OR1L8: variants seen among roughly 807,000 people sequenced by gnomAD.
OR1L8 encodes the protein olfactory receptor 1L8.
For missense variants in OR1L8, 330 were observed against 377.4 expected (o/e 0.87, Z 1.04); for synonymous variants, 148 against 147.0 (o/e 1.01, Z -0.05).
chr9:122,548,201 C>T, the OR1L8 span, among the ~76,000 whole-genome samples: 1 of 152,094 alleles, frequency 6.6e-6, no homozygotes, highest in Admixed American at 6.6e-5. Flanking sequence ...CACTTACATA[C>T]TGAATTAAAT....
chr9:122,577,865 A>T (rs896390247), intron 2 of OR1L8, among the ~76,000 whole-genome samples: 1 of 150,850 alleles, frequency 6.6e-6, no homozygotes, highest in Non-Finnish European at 1.5e-5. Context: ...CCTTCATATC[A>T]TCAGTACCAA....
intron 4 of OR1L8, among the ~76,000 whole-genome samples, chr9:122,571,366 A>C (rs1210949289): frequency 6.6e-6 from 1 of 151,992 alleles, no homozygotes; most frequent in Non-Finnish European, 1.5e-5. Context: ...CCTGGCCAAC[A>C]CGGTTAAATC....
At chr9:122,550,670 A>G in the OR1L8 span, among the ~76,000 whole-genome samples, 1 of 152,138 alleles carries the variant, frequency 6.6e-6, no homozygotes. Flanking sequence ...CTCAATAGAT[A>G]TAGAAAAAGC....
In OR1L8 at chr9:122,568,302, G is replaced by A; in HGVS notation, c.176C>T (p.Pro59Leu). Residue 59 changes from proline to leucine, a missense_variant, in exon 5 of 5, where the codon CCT becomes CTT. Physicochemically the swap from Pro to Leu is moderately conservative, Grantham distance 98. Transcript: ENST00000641027. ...AIRFNPHLQTPMYFFLSFLSL... is the reference protein window; with the variant it reads ...AIRFNPHLQTLMYFFLSFLSL... Reference sequence around the variant, plus strand: ...CAGAAAACTCAAGAAGAAATACATAGGGGTCTGAAGATGGGGGTTGAAGCG... The same window carrying A: ...CAGAAAACTCAAGAAGAAATACATAAGGGTCTGAAGATGGGGGTTGAAGCG... 6.2e-7 allele frequency: 1 copy of A among 1,614,120 alleles called. No homozygotes were observed. The highest frequency in any genetic ancestry group is 8.5e-7 in the Non-Finnish European group (1 of 1,180,002).
chr9:122,552,081 A>T, the OR1L8 span, among the ~76,000 whole-genome samples: 64 of 148,816 alleles, frequency 4.3e-4, no homozygotes, highest in African/African-American at 1.4e-3. Flanking sequence ...TCTCTCTCTC[A>T]CACACACACA....
intron 3 of OR1L8, among the ~76,000 whole-genome samples, chr9:122,575,855 C>T (rs1225151027): frequency 6.6e-6 from 1 of 152,188 alleles, no homozygotes; most frequent in Non-Finnish European, 1.5e-5. Context: ...CTTGTTCATG[C>T]TTCATGTCTG....
At chr9:122,553,881 A>AT in the OR1L8 span, 1 of 1,612,920 alleles carries the variant, frequency 6.2e-7, no homozygotes, top group African/African-American at 1.3e-5. Flanking sequence ...CTATGTCCGC[A>AT]TTTTCTGGGC....
chr9:122,567,650 A>G lies in OR1L8; in HGVS notation c.828T>C (p.Ile276=), dbSNP rs765526946. ...GCATGGATGACAAAACTGTGTAAAC[A>G]ATTGTTGCCACGTGGTCCTTGACAG... ...TYAVKDHVAT[I]VYTVLSSMLN... Residue 276 remains isoleucine, a synonymous_variant, in exon 5 of 5, where the codon ATT becomes ATC. Coordinates refer to ENST00000641027, the MANE Select transcript of OR1L8 (RefSeq NM_001004454.2). 3.1e-6 allele frequency: 5 copies of G among 1,614,096 alleles called. No homozygotes were observed. The Admixed American group carries it at 8.3e-5, about 27-fold the overall frequency.
the OR1L8 span, among the ~76,000 whole-genome samples, chr9:122,548,589 T>A: frequency 0.14 from 20,558 of 151,226 alleles, 1,710 homozygotes; most frequent in East Asian, 0.28. Context: ...TTTAAAATTT[T>A]TATATATATA....
the OR1L8 span, among the ~76,000 whole-genome samples, chr9:122,556,581 C>T: frequency 6.6e-6 from 1 of 152,100 alleles, no homozygotes; most frequent in Admixed American, 6.6e-5. Flanking sequence ...GGGCTTAAAG[C>T]CTAGATGACA....
Position 122,568,229 on chromosome 9 carries a change from C to G in OR1L8, c.249G>C (p.Leu83=). 1 of 1,614,142 alleles carries G rather than the reference C, an allele frequency of 6.2e-7. No individual in the cohort carries two copies. The highest frequency in any genetic ancestry group is 8.5e-7 in the Non-Finnish European group (1 of 1,180,010). ...TCTTCTTTTCTGACAGGAAGTTCAT[C>G]AGCATCTTGGGGACAACGCTTGTTG... ...CFTTSVVPKM[L]MNFLSEKKTI... Residue 83 remains leucine, a synonymous_variant, in exon 5 of 5, where the codon CTG becomes CTC. Transcript: ENST00000641027.
the OR1L8 span, among the ~76,000 whole-genome samples, chr9:122,549,255 CA>C: frequency 6.6e-6 from 1 of 152,106 alleles, no homozygotes; most frequent in Admixed American, 6.6e-5. Context: ...CCTCTCTTGC[CA>C]TATGATATGC....
chr9:122,554,142 G>A, the OR1L8 span: 1 of 1,610,760 alleles, frequency 6.2e-7, no homozygotes, highest in African/African-American at 1.3e-5. Flanking sequence ...TTTTGTCAGT[G>A]GAAAAACATT....
Position 122,568,261 on chromosome 9 carries a change from A to G in OR1L8, c.217T>C (p.Cys73Arg), listed in dbSNP as rs190313340. Residue 73 changes from cysteine (C) to arginine (R), a missense_variant, in exon 5 of 5, where the codon TGC becomes CGC. By Grantham distance (180) the Cys-to-Arg change is radical. Transcript: ENST00000641027. ...TTGGGGACAACGCTTGTTGTAAAGC[A>G]AATATCAGTGAGAGACAGAAAACTC... ...FLSFLSLTDI[C>R]FTTSVVPKML... is the part of the protein sequence containing the mutation. 1 of 1,614,104 alleles carries G rather than the reference A, an allele frequency of 6.2e-7. No homozygotes were observed. The highest frequency in any genetic ancestry group is 1.3e-5 in the African/African-American group (1 of 75,038).
chr9:122,570,698 CA>C (rs1829531466), intron 4 of OR1L8, among the ~76,000 whole-genome samples: 1 of 152,208 alleles, frequency 6.6e-6, no homozygotes, highest in South Asian at 2.1e-4. Context: ...AATTATCTCA[CA>C]TGCTTAAAAT....
chr9:122,552,832 A>G, the OR1L8 span, among the ~76,000 whole-genome samples: 1 of 148,666 alleles, frequency 6.7e-6, no homozygotes, highest in African/African-American at 2.5e-5. Context: ...GAGATCATGC[A>G]TCTTCTTTCC....
At chr9:122,569,455 G>A (rs1829499133) in intron 4 of OR1L8, among the ~76,000 whole-genome samples, 1 of 77,426 alleles carries the variant, frequency 1.3e-5, no homozygotes, top group Non-Finnish European at 2.5e-5. Flanking sequence ...ACTCTGCAAT[G>A]AGAATTTTTG....
chr9:122,553,523 A>G, the OR1L8 span: 1 of 1,614,100 alleles, frequency 6.2e-7, no homozygotes, highest in Non-Finnish European at 8.5e-7. Flanking sequence ...TTGCACAGCT[A>G]TATTTCCTCC....
chr9:122,579,504 A>G (rs2118749427), intron 1 of OR1L8, among the ~76,000 whole-genome samples: 1 of 152,280 alleles, frequency 6.6e-6, no homozygotes, highest in South Asian at 2.1e-4. Flanking sequence ...TCAGGTTGTC[A>G]ACTAATAGCT....
Sources: allele counts gnomAD v4.1 joint callset (sites outside exome capture counted in the v4.1 genomes callset), GRCh38; gene constraint gnomAD v4.1.1; transcripts MANE v1.5; gene names NCBI Gene and HGNC (gene_info 2026-07-23, HGNC 2026-07-21).